Variants in BAZ1A observed in about 807,000 individuals in gnomAD.
BAZ1A encodes the protein bromodomain adjacent to zinc finger domain 1A, also known as bromodomain adjacent to zinc finger domain protein 1A.
Under a neutral mutation model 185.2 loss-of-function variants are expected in BAZ1A, and 50 were observed. That is an observed-to-expected ratio of 0.27 (90% CI 0.22 to 0.34). The LOEUF is 0.34. Among genes scored for constraint, BAZ1A ranks in the 10% least tolerant of loss-of-function variants. The pLI, the probability that BAZ1A is intolerant of heterozygous loss-of-function variation, is 1.00. For synonymous variants in BAZ1A, 571 were observed against 615.6 expected (o/e 0.93, Z 1.07); for missense variants, 1,356 against 1,839.9 (o/e 0.74, Z 4.81).
At position 34,816,520 on chromosome 14, in the gene BAZ1A, TCAGC is replaced by T. The variant is rs149193506; in HGVS notation, c.537-5488_537-5485del. On this transcript the variant is annotated intron_variant, in intron 4 of 26. Transcript: ENST00000360310. ...GCTAAAGGATTTTCTATAATGTACTTCAGCTTTTGTTATGTGTTTAGAGATGGTT... is the reference window on the plus strand; with the variant it reads ...GCTAAAGGATTTTCTATAATGTACTTTTTTGTTATGTGTTTAGAGATGGTT... Among the ~76,000 whole-genome samples, 514 of 152,360 alleles carry T rather than the reference TCAGC, an allele frequency of 3.4e-3. 1 individual carries two copies. The highest frequency in any genetic ancestry group is 0.012 in the African/African-American group (492 of 41,584).
intron 3 of BAZ1A, among the ~76,000 whole-genome samples, chr14:34,844,758 AACACACACACACACACGCGCACAC>A (rs1479561263): frequency 7.6e-6 from 1 of 130,850 alleles, no homozygotes; most frequent in Non-Finnish European, 1.6e-5. Context: ...ACCCTGTCTA[AACACACACACACACACGCGCACAC>A]ACACACACAC....
chr14:34,792,639 T>C (rs1328331118), intron 12 of BAZ1A, 136 bp downstream of exon 12: 2 of 1,016,348 alleles, frequency 2.0e-6, no homozygotes, highest in Non-Finnish European at 2.9e-6. Context: ...GTTGTTAGCA[T>C]ATGATTCAAC....
rs548746638 is a variant in BAZ1A at position 34,827,518 on chromosome 14, G to A, written c.393-1362C>T. Among the ~76,000 whole-genome samples, 14 of 151,652 alleles carry A rather than the reference G, an allele frequency of 9.2e-5. No homozygotes were observed. In the South Asian group the frequency reaches 2.9e-3, roughly 32 times the overall value. ...TGGGAGGCCGAGGCGGGTGGATCACGAGGTCAGAAGATCGAGACCATCCTG... is the reference window on the plus strand; with the variant it reads ...TGGGAGGCCGAGGCGGGTGGATCACAAGGTCAGAAGATCGAGACCATCCTG... On this transcript the variant is annotated intron_variant, in intron 3 of 26. Coordinates refer to ENST00000360310, the MANE Select transcript of BAZ1A (RefSeq NM_013448.3).
At chr14:34,823,688 A>T (rs2042121168) in intron 4 of BAZ1A, among the ~76,000 whole-genome samples, 1 of 152,132 alleles carries the variant, frequency 6.6e-6, no homozygotes, top group African/African-American at 2.4e-5. Flanking sequence ...AGATAAATAA[A>T]TGCTTACCAT....
chr14:34,807,644 G>T, intron 5 of BAZ1A, 106 bp from the exon 6 acceptor site: 1 of 689,578 alleles, frequency 1.5e-6, no homozygotes. Flanking sequence ...GAAAGCCTAG[G>T]AATCAAAGGA....
rs753713536 is a variant in BAZ1A at position 34,862,104 on chromosome 14, T to C, written c.332A>G (p.Tyr111Cys). 4 of 1,614,198 alleles carry C rather than the reference T, an allele frequency of 2.5e-6. No individual in the cohort carries two copies. Among genetic ancestry groups the C allele is most frequent in the East Asian group, 2.2e-5 (1 of 44,894 alleles). The change falls in exon 3 of 27, where the codon TAT becomes TGT. Residue 111 changes from tyrosine to cysteine, a missense_variant. Around this residue, in one of 7 missense-constraint regions of BAZ1A, gnomAD observed 332 missense variants for 395.3 expected, o/e 0.84. Transcript: ENST00000360310. ...LHEICDDIFA[Y>C]VKDRYFVEET... ...TTCGACAAAATATCGATCCTTGACATATGCAAAGATATCATCACAAATTTC... is the reference window on the plus strand; with the variant it reads ...TTCGACAAAATATCGATCCTTGACACATGCAAAGATATCATCACAAATTTC...
chr14:34,798,695 C>T (rs974835416), intron 9 of BAZ1A, among the ~76,000 whole-genome samples: 48 of 152,188 alleles, frequency 3.2e-4, no homozygotes, highest in Non-Finnish European at 6.3e-4. Context: ...TACCATCTCA[C>T]AGCAGTTAGA....
At chr14:34,825,915 G>A in intron 4 of BAZ1A, 98 bp downstream of exon 4, 1 of 1,228,182 alleles carries the variant, frequency 8.1e-7, no homozygotes. Flanking sequence ...TCCAGCCTGG[G>A]CAAAAGAGTG....
intron 21 of BAZ1A, among the ~76,000 whole-genome samples, chr14:34,766,832 A>G (rs769697422): frequency 3.9e-5 from 6 of 152,266 alleles, no homozygotes; most frequent in Non-Finnish European, 7.3e-5. Context: ...CACAAGGCAC[A>G]TGTGGAAACA....
chr14:34,832,209 C>CATATATATATATATATATAT (rs1346957821), intron 3 of BAZ1A, among the ~76,000 whole-genome samples: 17 of 63,996 alleles, frequency 2.7e-4, no homozygotes, highest in African/African-American at 7.7e-4. Flanking sequence ...CACACACACA[C>CATATATATATATATATATAT]ACACACATAT....
At chr14:34,849,837 C>T (rs2042570484) in intron 3 of BAZ1A, among the ~76,000 whole-genome samples, 1 of 152,206 alleles carries the variant, frequency 6.6e-6, no homozygotes, top group African/African-American at 2.4e-5. Flanking sequence ...TTTAGAAGTA[C>T]CTTCTACCAC....
At chr14:34,794,997 A>C in intron 10 of BAZ1A, 110 bp from the exon 11 acceptor site, 2 of 1,386,222 alleles carry the variant, frequency 1.4e-6, no homozygotes, top group Non-Finnish European at 1.9e-6. Flanking sequence ...TTTGTAAGCT[A>C]CTGGTTCTCA....
chr14:34,783,312 C>G, intron 15 of BAZ1A, 80 bp from the exon 16 acceptor site: 1 of 806,624 alleles, frequency 1.2e-6, no homozygotes, highest in Non-Finnish European at 2.0e-6. Context: ...TTAATCAAAT[C>G]ATGGAAAGTA....
intron 23 of BAZ1A, among the ~76,000 whole-genome samples, chr14:34,763,389 T>A (rs955876532): frequency 1.3e-5 from 2 of 150,604 alleles, no homozygotes; most frequent in African/African-American, 4.9e-5. Flanking sequence ...ATACTCATTT[T>A]CCTGCTTCCA....
intron 3 of BAZ1A, among the ~76,000 whole-genome samples, chr14:34,855,393 T>C (rs1189976492): frequency 6.6e-6 from 1 of 152,170 alleles, no homozygotes; most frequent in Non-Finnish European, 1.5e-5. Context: ...TCTTTTTCTG[T>C]TCATAAATCC....
At chr14:34,757,947 CTG>C (rs1566542266) in intron 25 of BAZ1A, among the ~76,000 whole-genome samples, 2 of 151,194 alleles carry the variant, frequency 1.3e-5, no homozygotes, top group Non-Finnish European at 3.0e-5. Context: ...TGGGGTTTCA[CTG>C]TGTTAGCCAG....
chr14:34,816,235 G>A (rs1395142079), intron 4 of BAZ1A, among the ~76,000 whole-genome samples: 1 of 151,738 alleles, frequency 6.6e-6, no homozygotes, highest in Admixed American at 6.6e-5. Context: ...CTACAGGCAC[G>A]TGCCACCACG....
At chr14:34,788,808 G>A (rs1384389639) in intron 12 of BAZ1A, among the ~76,000 whole-genome samples, 2 of 152,136 alleles carry the variant, frequency 1.3e-5, no homozygotes, top group East Asian at 3.9e-4. Flanking sequence ...GGGTGCCTTG[G>A]GTTAGAGTTT....
intron 24 of BAZ1A, among the ~76,000 whole-genome samples, chr14:34,760,153 C>T (rs773947405): frequency 1.1e-4 from 16 of 152,108 alleles, no homozygotes; most frequent in Non-Finnish European, 2.1e-4. Context: ...CACACATTTC[C>T]CCTTTTGTTT....
Sources: allele counts gnomAD v4.1 joint callset (sites outside exome capture counted in the v4.1 genomes callset), GRCh38; gene constraint gnomAD v4.1.1; regional missense constraint gnomAD v4.1.1; transcripts MANE v1.5; gene names NCBI Gene and HGNC (gene_info 2026-07-23, HGNC 2026-07-21).